The following ERVK3-1 variants were observed in gnomAD, a reference collection of about 807,000 sequenced individuals.
ERVK3-1 encodes the protein HERV-K(HML6-1).
chr19:58,315,031 C>T (rs1216032462), exon 4 of ERVK3-1: 22 of 366,188 alleles, frequency 6.0e-5, no homozygotes, highest in African/African-American at 1.9e-4. Flanking sequence ...CAGGAACATC[C>T]AGAACCTGTT....
chr19:58,314,701 A>T, intron 3 of ERVK3-1, 47 bp from the exon 4 acceptor site: 1 of 399,376 alleles, frequency 2.5e-6, no homozygotes, highest in Non-Finnish European at 4.4e-6. Flanking sequence ...CTCTTTTATA[A>T]TAATTACAAG....
In ERVK3-1 at chr19:58,313,391, A is replaced by G. The variant is rs1042664543; in HGVS notation, c.294+929A>G. Among the ~76,000 whole-genome samples, 45 of 152,022 alleles carry G rather than the reference A, an allele frequency of 3.0e-4. No homozygotes were observed. Among genetic ancestry groups the G allele is most frequent in the African/African-American group, 9.4e-4 (39 of 41,376 alleles). Reference sequence around the variant, plus strand: ...AACCTTTGCCTCCCGGGTTCAAGCAATTGTCTGCCTCAGCCTCCCGAGTAG... The same window carrying G: ...AACCTTTGCCTCCCGGGTTCAAGCAGTTGTCTGCCTCAGCCTCCCGAGTAG... On this transcript the variant is annotated intron_variant, in intron 3 of 3. Transcript: ENST00000413518. This position sits in a 1 kb window ranked among gnomAD's most constrained non-coding sequence, Gnocchi z 4.5.
downstream of ERVK3-1, among the ~76,000 whole-genome samples, chr19:58,316,414 T>A (rs956228367): frequency 2.6e-5 from 4 of 152,290 alleles, no homozygotes; most frequent in African/African-American, 9.6e-5. Flanking sequence ...CAGTGGCTCA[T>A]GCCTGTAATC....
chr19:58,308,972 G>A (rs2051540697), intron 2 of ERVK3-1: 1 of 152,164 alleles, frequency 6.6e-6, no homozygotes, highest in Non-Finnish European at 1.5e-5. Flanking sequence ...TGCCATCCCC[G>A]GCAACCATTC....
Position 58,310,918 on chromosome 19 carries a change from G to A in ERVK3-1, c.-3-1248G>A. On this transcript the variant is annotated intron_variant, in intron 2 of 3. Transcript: ENST00000413518. The surrounding 1 kb of genome is among the most constrained non-coding windows in gnomAD (Gnocchi z 4.7). ...CTAGACCACGGTCTTCCCAAACGCT[G>A]GCGTCACCACTAGACCAAGGAGCCC... is the stretch of plus-strand genomic sequence containing the variant. 2.7e-6 allele frequency: 1 copy of A among 373,458 alleles called. No individual in the cohort carries two copies. The highest frequency in any genetic ancestry group is 8.6e-5 in the East Asian group (1 of 11,622). The allele number at this position is 373,458 out of a possible 1,614,324, so 23.1% of individuals were successfully genotyped here.
chr19:58,313,611 A>G lies in ERVK3-1; in HGVS notation c.295-1137A>G, dbSNP rs1386887598. Among the ~76,000 whole-genome samples the G allele has an allele frequency of 2.0e-5, 3 of 152,148 alleles. No homozygotes were observed. Among genetic ancestry groups the G allele is most frequent in the East Asian group, 1.9e-4 (1 of 5,200 alleles). On this transcript the variant is annotated intron_variant, in intron 3 of 3. Transcript: ENST00000413518. The surrounding 1 kb of genome is among the most constrained non-coding windows in gnomAD (Gnocchi z 4.5). ...CGGCCAGTTTGTGTTTTTAATCCCT[A>G]TGTTTTTCTAGCATCTAAGAAGGAC... is the stretch of plus-strand genomic sequence containing the variant.
At chr19:58,307,081 G>A (rs766996666) in intron 2 of ERVK3-1, among the ~76,000 whole-genome samples, 22 of 152,234 alleles carry the variant, frequency 1.4e-4, no homozygotes, top group Non-Finnish European at 2.5e-4. Context: ...AATGCTATTG[G>A]GTAGTGACTC....
At chr19:58,306,698 C>T (rs557697013) in intron 2 of ERVK3-1, 2 of 152,252 alleles carry the variant, frequency 1.3e-5, no homozygotes, top group South Asian at 2.1e-4. Flanking sequence ...GAAATAGAGA[C>T]CCCAGTACAA....
In ERVK3-1 at chr19:58,315,152, A is replaced by G. The variant is rs533781910; in HGVS notation, c.*369A>G. The stretch of plus-strand genomic sequence containing the variant: ...TAAATATGAAGGGCTGTAAAAGCTC[A>G]GGTCCCTGTTCCCTAATATCAAGGA... On this transcript the variant is annotated 3_prime_UTR_variant, in exon 4 of 4. Coordinates refer to ENST00000413518, the Ensembl canonical transcript of ERVK3-1. 497 of 187,320 alleles carry G rather than the reference A, an allele frequency of 2.7e-3. 1 individual carries two copies. Among genetic ancestry groups the G allele is most frequent in the Non-Finnish European group, 4.2e-3 (382 of 91,286 alleles). The allele number at this position is 187,320 out of a possible 1,614,324, so 11.6% of individuals were successfully genotyped here. A position where few individuals can be genotyped will look rare whatever the true frequency, so the allele number is the denominator to read the frequency against.
At chr19:58,311,132 A>C (rs1395950816) in intron 2 of ERVK3-1, 1 of 153,522 alleles carries the variant, frequency 6.5e-6, no homozygotes, top group African/African-American at 2.4e-5. Context: ...ATATTCATAT[A>C]TAATCATATC....
rs568947352 is a variant in ERVK3-1 at position 58,307,614 on chromosome 19, C to T, written c.-4+1398C>T. 8.7e-4 allele frequency among the ~76,000 whole-genome samples: 130 copies of T among 149,386 alleles called. 3 individuals carry two copies. The highest frequency in any genetic ancestry group is 3.3e-3 in the African/African-American group (129 of 38,880). On this transcript the variant is annotated intron_variant, in intron 2 of 3. Transcript: ENST00000413518. ...ATCTTACAATGCAATACCGCCCCCC[C>T]CTCCCCGCCCCGCTCCCCCCAACAC... is the stretch of plus-strand genomic sequence containing the variant.
rs1372194573 is a variant in ERVK3-1, at chr19:58,310,197, C to T, written c.-3-1969C>T. The T allele has an allele frequency of 1.3e-5, 2 of 152,210 alleles. No individual in the cohort carries two copies. Among genetic ancestry groups the T allele is most frequent in the African/African-American group, 2.4e-5 (1 of 41,428 alleles). 9.4% of individuals were successfully genotyped at this position (152,210 alleles called of 1,614,324 possible). The stretch of plus-strand genomic sequence containing the variant: ...CAGCTTTATTTCCTATTAATATTGT[C>T]TGTAATTCAGCCTATGTCGTAAATG... On this transcript the variant is annotated intron_variant, in intron 2 of 3. Coordinates refer to ENST00000413518, the Ensembl canonical transcript of ERVK3-1. The surrounding 1 kb of genome is among the most constrained non-coding windows in gnomAD (Gnocchi z 4.7).
rs2051573160 is a variant in ERVK3-1 at position 58,313,921 on chromosome 19, G to T, written c.295-827G>T. 6.6e-6 allele frequency among the ~76,000 whole-genome samples: 1 copy of T among 152,146 alleles called. No homozygotes were observed. Among genetic ancestry groups the T allele is most frequent in the African/African-American group, 2.4e-5 (1 of 41,412 alleles). On this transcript the variant is annotated intron_variant, in intron 3 of 3. Transcript: ENST00000413518. This position sits in a 1 kb window ranked among gnomAD's most constrained non-coding sequence, Gnocchi z 4.5. ...TCACACTAATAACCTCGGTTGTAGT[G>T]TCCTCAGTAGCACTACATAGTTCTA...
chr19:58,310,568 G>C lies in ERVK3-1; in HGVS notation c.-3-1598G>C, dbSNP rs1054910401. 1.3e-5 allele frequency: 2 copies of C among 155,882 alleles called. No homozygotes were observed. Among genetic ancestry groups the C allele is most frequent in the African/African-American group, 4.8e-5 (2 of 41,508 alleles). The allele number at this position is 155,882 out of a possible 1,614,324, so 9.7% of individuals were successfully genotyped here. On this transcript the variant is annotated intron_variant, in intron 2 of 3. Transcript: ENST00000413518. This position sits in a 1 kb window ranked among gnomAD's most constrained non-coding sequence, Gnocchi z 4.7. ...GAGGCAGAGAGGGAGAGGAGACAGA[G>C]AGAAAGACAGCTTACGCCATTATTT... is the stretch of plus-strand genomic sequence containing the variant.
Position 58,310,360 on chromosome 19 carries a change from C to A in ERVK3-1, c.-3-1806C>A. 1 of 158,198 alleles carries A rather than the reference C, an allele frequency of 6.3e-6. No individual in the cohort carries two copies. Among genetic ancestry groups the A allele is most frequent in the South Asian group, 1.7e-4 (1 of 5,824 alleles). The allele number at this position is 158,198 out of a possible 1,614,324, so 9.8% of individuals were successfully genotyped here. A position where few individuals can be genotyped will look rare whatever the true frequency, so the allele number is the denominator to read the frequency against. On this transcript the variant is annotated intron_variant, in intron 2 of 3. Coordinates refer to ENST00000413518, the Ensembl canonical transcript of ERVK3-1. The surrounding 1 kb of genome is among the most constrained non-coding windows in gnomAD (Gnocchi z 4.7). Reference sequence around the variant, plus strand: ...ACAAAGAGATAAAAGGCAGCTGGGCCTGGGGGACCACTACCACCAATGCGC... The same window carrying A: ...ACAAAGAGATAAAAGGCAGCTGGGCATGGGGGACCACTACCACCAATGCGC...
At chr19:58,314,130 T>C (rs1485203863) in intron 3 of ERVK3-1, among the ~76,000 whole-genome samples, 1 of 152,212 alleles carries the variant, frequency 6.6e-6, no homozygotes, top group Admixed American at 6.5e-5. Flanking sequence ...TTCAATCATA[T>C]TCATATTTGT....
exon 4 of ERVK3-1, chr19:58,314,960 C>T: frequency 2.6e-6 from 1 of 390,618 alleles, no homozygotes; most frequent in Non-Finnish European, 4.5e-6. Flanking sequence ...ACTCTGTCTG[C>T]CGCCAGAAGG....
At chr19:58,315,762 G>A (rs959113425), downstream of ERVK3-1, 34 of 152,212 alleles carry the variant, frequency 2.2e-4, no homozygotes, top group Admixed American at 2.2e-3. Flanking sequence ...TGTCCGAGGA[G>A]TGCCTGTATG....
At chr19:58,314,996 G>GT (rs1294011369) in exon 4 of ERVK3-1, 2 of 384,742 alleles carry the variant, frequency 5.2e-6, no homozygotes, top group African/African-American at 2.1e-5. Flanking sequence ...CATGTCCCAG[G>GT]TCCCGTGCTC....
Sources: gnomAD v4.1 joint callset for allele counts (sites outside exome capture counted in the v4.1 genomes callset) on GRCh38, gnomAD v4.1.1 for gene constraint, Gnocchi (gnomAD v3.1) non-coding constraint, MANE v1.5 for transcripts, NCBI Gene and HGNC (gene_info 2026-07-23, HGNC 2026-07-21) for gene names.